Variants in GULP1 observed in about 807,000 individuals in gnomAD.
GULP1 encodes the protein PTB domain-containing engulfment adapter protein 1.
A neutral mutation model predicts 40.9 loss-of-function variants in GULP1; 19 were observed. That is an observed-to-expected ratio of 0.46 (90% confidence interval 0.32 to 0.68). The LOEUF (loss-of-function observed/expected upper bound fraction) is 0.68. GULP1 is among the 30% of genes least tolerant of loss of function. The probability of loss-of-function intolerance (pLI) is 0.03; values close to 1 mark genes in which losing one functional copy is unlikely to be tolerated. For missense variants in GULP1, 312 were observed against 362.2 expected, an observed-to-expected ratio of 0.86 and a Z score of 1.12; for synonymous variants, 119 against 117.6, an observed-to-expected ratio of 1.01 and a Z score of -0.08.
chr2:188,358,064 C>G (rs1181808233), intron 1 of GULP1, among the ~76,000 whole-genome samples: 1 of 151,960 alleles, frequency 6.6e-6, no homozygotes, highest in Non-Finnish European at 1.5e-5. Flanking sequence ...GCCTGTAGTC[C>G]CAGGTACTCA....
At position 188,569,287 on chromosome 2, in the gene GULP1, A is replaced by G. The variant is rs769024034; in HGVS notation, c.448A>G (p.Arg150Gly). The change falls in exon 8 of 12, where the codon AGG becomes GGG. Residue 150 changes from arginine to glycine, a missense_variant. Physicochemically the swap from Arg to Gly is moderately radical, Grantham distance 125. Coordinates refer to ENST00000409830, the MANE Select transcript of GULP1 (RefSeq NM_016315.4). ...TGGCCAAGCATTTGACCTGGCATAC[A>G]GGAAATTTCTAGAATCAGGAGGAAA... Reference protein sequence around the residue: ...TIGQAFDLAYRKFLESGGKDV... With the variant: ...TIGQAFDLAYGKFLESGGKDV... 6 of 1,605,120 alleles carry G rather than the reference A, an allele frequency of 3.7e-6. No individual in the cohort carries two copies. The highest frequency in any genetic ancestry group is 4.3e-6 in the Non-Finnish European group (5 of 1,171,962).
intron 1 of GULP1, among the ~76,000 whole-genome samples, chr2:188,335,260 AG>A (rs910617661): frequency 2.6e-5 from 4 of 152,150 alleles, no homozygotes; most frequent in African/African-American, 9.6e-5. Context: ...CACTTTTGGC[AG>A]GGGGGAAGAG....
At chr2:188,400,279 A>G (rs2052034476) in intron 2 of GULP1, among the ~76,000 whole-genome samples, 1 of 152,230 alleles carries the variant, frequency 6.6e-6, no homozygotes, top group South Asian at 2.1e-4. Context: ...CATATCAGTC[A>G]TTGTATTTAG....
intron 7 of GULP1, among the ~76,000 whole-genome samples, chr2:188,563,170 AT>A (rs2153416557): frequency 6.6e-6 from 1 of 152,212 alleles, no homozygotes; most frequent in African/African-American, 2.4e-5. Context: ...CTACAGTAGA[AT>A]CAATGACATT....
intron 2 of GULP1, among the ~76,000 whole-genome samples, chr2:188,425,096 C>T (rs2055994402): frequency 6.6e-6 from 1 of 151,980 alleles, no homozygotes; most frequent in Admixed American, 6.6e-5. Flanking sequence ...CTTATCATTA[C>T]TAACATACTA....
At chr2:188,354,720 A>G (rs1212415845) in intron 1 of GULP1, among the ~76,000 whole-genome samples, 3 of 152,228 alleles carry the variant, frequency 2.0e-5, no homozygotes, top group East Asian at 1.9e-4. Context: ...TTTTCCGACC[A>G]TTTTATTTAA....
chr2:188,458,635 A>G (rs538141190), intron 2 of GULP1, among the ~76,000 whole-genome samples: 1 of 152,330 alleles, frequency 6.6e-6, no homozygotes, highest in African/African-American at 2.4e-5. Flanking sequence ...ATTATGGAAA[A>G]TAGGCTATCC....
intron 3 of GULP1, among the ~76,000 whole-genome samples, chr2:188,482,772 T>C (rs1324271575): frequency 6.6e-6 from 1 of 151,534 alleles, no homozygotes; most frequent in African/African-American, 2.4e-5. Flanking sequence ...TTCTAATATT[T>C]TTAACACTTA....
At chr2:188,330,515 C>CT (rs1559118198) in intron 1 of GULP1, among the ~76,000 whole-genome samples, 1 of 152,102 alleles carries the variant, frequency 6.6e-6, no homozygotes, top group Non-Finnish European at 1.5e-5. Context: ...TGTCAGACTG[C>CT]TTTTAAAATG....
At chr2:188,459,879 G>T (rs958112498) in intron 2 of GULP1, among the ~76,000 whole-genome samples, 1 of 152,118 alleles carries the variant, frequency 6.6e-6, no homozygotes, top group Non-Finnish European at 1.5e-5. Flanking sequence ...AGTTTTCCCA[G>T]CATCATTTAT....
chr2:188,526,975 G>A (rs1391442831), intron 5 of GULP1, among the ~76,000 whole-genome samples: 1 of 152,068 alleles, frequency 6.6e-6, no homozygotes, highest in African/African-American at 2.4e-5. Context: ...GAAGAAGAGA[G>A]AAAAGTTTCA....
intron 4 of GULP1, among the ~76,000 whole-genome samples, chr2:188,500,799 G>C (rs2063357136): frequency 6.6e-6 from 1 of 151,722 alleles, no homozygotes; most frequent in Non-Finnish European, 1.5e-5. Context: ...CCCTCAATGG[G>C]GCCCCTGGTC....
At position 188,311,718 on chromosome 2, in the gene GULP1, T is replaced by C. The variant is rs868202994; in HGVS notation, c.-172+19552T>C. On this transcript the variant is annotated intron_variant, in intron 1 of 11. Coordinates refer to ENST00000409830, the MANE Select transcript of GULP1 (RefSeq NM_016315.4). ...GATAAGCATTATAAAAATGTTTATT[T>C]ATATTTATATATTTATAAATCTAAT... is the stretch of plus-strand genomic sequence containing the variant. Among the ~76,000 whole-genome samples, 80 of 147,974 alleles carry C rather than the reference T, an allele frequency of 5.4e-4. 1 individual carries two copies. In the South Asian group the frequency reaches 0.017, roughly 31 times the overall value.
chr2:188,545,306 G>A (rs2153349680), intron 7 of GULP1, among the ~76,000 whole-genome samples: 1 of 151,614 alleles, frequency 6.6e-6, no homozygotes, highest in East Asian at 1.9e-4. Context: ...AAAAAAACAA[G>A]ATGAGCAAAC....
At chr2:188,357,131 T>C (rs1161006664) in intron 1 of GULP1, among the ~76,000 whole-genome samples, 2 of 152,108 alleles carry the variant, frequency 1.3e-5, no homozygotes, top group African/African-American at 4.8e-5. Flanking sequence ...GGAAACACTT[T>C]AGGATATTGG....
At chr2:188,556,331 C>T (rs1694756611) in intron 7 of GULP1, among the ~76,000 whole-genome samples, 1 of 151,980 alleles carries the variant, frequency 6.6e-6, no homozygotes, top group Non-Finnish European at 1.5e-5. Flanking sequence ...AGTCTATTAT[C>T]GAAGATATCA....
chr2:188,547,149 C>A (rs1445489265), intron 7 of GULP1, among the ~76,000 whole-genome samples: 3 of 151,532 alleles, frequency 2.0e-5, no homozygotes, highest in Non-Finnish European at 2.9e-5. Flanking sequence ...TCTATACAAT[C>A]CATTCCAGTG....
intron 1 of GULP1, among the ~76,000 whole-genome samples, chr2:188,350,735 A>G (rs745334787): frequency 1.3e-5 from 2 of 152,078 alleles, no homozygotes; most frequent in Non-Finnish European, 2.9e-5. Flanking sequence ...TTTGAAAAAC[A>G]TGATTATATT....
At chr2:188,548,345 G>A (rs975457932) in intron 7 of GULP1, among the ~76,000 whole-genome samples, 3 of 152,002 alleles carry the variant, frequency 2.0e-5, no homozygotes, top group African/African-American at 4.8e-5. Context: ...TATGGATACA[G>A]AAATTTACAA....
Sources: gnomAD v4.1 joint callset for allele counts (sites outside exome capture counted in the v4.1 genomes callset) on GRCh38, gnomAD v4.1.1 for gene constraint, MANE v1.5 for transcripts, NCBI Gene and HGNC (gene_info 2026-07-23, HGNC 2026-07-21) for gene names.